NR6A1: variants seen among roughly 807,000 people sequenced by gnomAD.
NR6A1 encodes the protein nuclear receptor subfamily 6 group A member 1, also known as retinoic acid receptor-related testis-associated receptor.
Under a neutral mutation model 59.1 loss-of-function variants are expected in NR6A1, and 7 were observed. That is an observed-to-expected ratio of 0.12 (90% CI 0.07 to 0.22). The LOEUF (loss-of-function observed/expected upper bound fraction) is 0.22. Ranked by LOEUF, NR6A1 falls within the 10% of genes least tolerant of loss-of-function variation. NR6A1 has a pLI of 1.00. For missense variants in NR6A1, 468 were observed against 611.6 expected, an observed-to-expected ratio of 0.77 and a Z score of 2.48; for synonymous variants, 243 against 236.1, an observed-to-expected ratio of 1.03 and a Z score of -0.27.
At chr9:124,702,765 G>A (rs1839002387) in intron 2 of NR6A1, among the ~76,000 whole-genome samples, 1 of 152,076 alleles carries the variant, frequency 6.6e-6, no homozygotes, top group African/African-American at 2.4e-5. Flanking sequence ...GGCCTCATCA[G>A]AAGCCAACAA....
intron 1 of NR6A1, among the ~76,000 whole-genome samples, chr9:124,741,858 A>G (rs1352315067): frequency 6.6e-6 from 1 of 152,154 alleles, no homozygotes; most frequent in Non-Finnish European, 1.5e-5. Context: ...TGAGTACTCA[A>G]TGATATGATG....
At chr9:124,635,402 T>C (rs1016547071) in intron 2 of NR6A1, among the ~76,000 whole-genome samples, 2 of 152,192 alleles carry the variant, frequency 1.3e-5, no homozygotes, top group African/African-American at 2.4e-5. Flanking sequence ...GGTGAATTAG[T>C]TTCTCACGAG....
intron 1 of NR6A1, among the ~76,000 whole-genome samples, chr9:124,754,033 T>C (rs1254272707): frequency 1.3e-5 from 2 of 152,192 alleles, no homozygotes; most frequent in African/African-American, 4.8e-5. Flanking sequence ...AGTATTTCAT[T>C]TGGGCAAATT....
rs538806581 is a variant in NR6A1, at chr9:124,633,098, A to G, written c.143-78528T>C. Reference sequence around the variant, plus strand: ...ACCGAATCAAGGATGCAGTGCCCCTAAAAAGATGAATGGAAGACACTTCAG... The same window carrying G: ...ACCGAATCAAGGATGCAGTGCCCCTGAAAAGATGAATGGAAGACACTTCAG... On this transcript the variant is annotated intron_variant, in intron 2 of 9. Transcript: ENST00000487099. Among the ~76,000 whole-genome samples, 212 of 152,248 alleles carry G rather than the reference A, an allele frequency of 1.4e-3. 1 individual carries two copies. The highest frequency in any genetic ancestry group is 4.8e-3 in the African/African-American group (199 of 41,552).
chr9:124,687,634 A>C (rs569888268), intron 2 of NR6A1, among the ~76,000 whole-genome samples: 2 of 152,178 alleles, frequency 1.3e-5, no homozygotes, highest in Non-Finnish European at 2.9e-5. Context: ...CTAACACTCA[A>C]GTAAACACTC....
At chr9:124,730,696 G>A (rs529500908) in intron 2 of NR6A1, among the ~76,000 whole-genome samples, 34 of 151,846 alleles carry the variant, frequency 2.2e-4, no homozygotes, top group African/African-American at 8.2e-4. Context: ...TGTTTAATGA[G>A]CTGGTATTAC....
chr9:124,539,707 G>A (rs1833385040), intron 5 of NR6A1, among the ~76,000 whole-genome samples: 1 of 152,102 alleles, frequency 6.6e-6, no homozygotes, highest in Admixed American at 6.6e-5. Flanking sequence ...CTGTCAAAAA[G>A]GTTTATTTCA....
chr9:124,761,545 G>A (rs538176180), intron 1 of NR6A1, among the ~76,000 whole-genome samples: 4 of 152,210 alleles, frequency 2.6e-5, no homozygotes, highest in East Asian at 1.9e-4. Flanking sequence ...GATATTCTTC[G>A]ACCAGAGGAA....
At chr9:124,727,098 T>C (rs529276539) in intron 2 of NR6A1, among the ~76,000 whole-genome samples, 12 of 142,596 alleles carry the variant, frequency 8.4e-5, no homozygotes, top group East Asian at 2.0e-4. Context: ...TCTTGATTAA[T>C]AGACCTGTAT....
rs192634871 is a variant in NR6A1 at position 124,529,273 on chromosome 9, A to T, written c.1080-2373T>A. On this transcript the variant is annotated intron_variant, in intron 7 of 9. Transcript: ENST00000487099. ...CTGCGAGGCACATTAAGTATTCTAC[A>T]TTTAATCTTATTGATATTCCCAATA... is the stretch of plus-strand genomic sequence containing the variant. Among the ~76,000 whole-genome samples, 3 of 152,356 alleles carry T rather than the reference A, an allele frequency of 2.0e-5. No individual in the cohort carries two copies. The East Asian group carries it at 5.8e-4, about 29-fold the overall frequency.
intron 4 of NR6A1, 42 bp from the exon 5 acceptor site, chr9:124,540,229 C>T (rs1833404528): frequency 6.3e-7 from 1 of 1,585,922 alleles, no homozygotes; most frequent in Non-Finnish European, 8.6e-7. Flanking sequence ...GTGCTCAGGA[C>T]ACTTGCTCTT....
At chr9:124,554,706 G>A (rs986542620) in intron 2 of NR6A1, 136 bp from the exon 3 acceptor site, 3 of 1,083,198 alleles carry the variant, frequency 2.8e-6, no homozygotes, top group Non-Finnish European at 2.7e-6. Flanking sequence ...GCCCATCTTC[G>A]GATCCTTGTC....
At chr9:124,758,465 T>G (rs1326310358) in intron 1 of NR6A1, among the ~76,000 whole-genome samples, 1 of 152,176 alleles carries the variant, frequency 6.6e-6, no homozygotes, top group Admixed American at 6.5e-5. Flanking sequence ...TTACAAGGAA[T>G]GAGGAAAAAC....
intron 1 of NR6A1, among the ~76,000 whole-genome samples, chr9:124,747,187 C>CT (rs35429356): frequency 0.45 from 55,196 of 122,454 alleles, 13,222 homozygotes; most frequent in Admixed American, 0.56. Context: ...CCTTGTCTGA[C>CT]TTTTTTTTTT....
intron 2 of NR6A1, among the ~76,000 whole-genome samples, chr9:124,584,625 G>A (rs528136900): frequency 2.4e-4 from 37 of 152,208 alleles, no homozygotes; most frequent in Non-Finnish European, 4.9e-4. Flanking sequence ...GCCACGAACC[G>A]CACCGAAATA....
chr9:124,751,938 C>T (rs1475348701), intron 1 of NR6A1, among the ~76,000 whole-genome samples: 1 of 152,082 alleles, frequency 6.6e-6, no homozygotes, highest in African/African-American at 2.4e-5. Flanking sequence ...TACAAAATTC[C>T]TCCTTTTGTA....
chr9:124,561,006 G>A (rs1834070464), intron 2 of NR6A1, among the ~76,000 whole-genome samples: 1 of 152,152 alleles, frequency 6.6e-6, no homozygotes, highest in African/African-American at 2.4e-5. Flanking sequence ...TCAACTTGTG[G>A]ATAGAAAAGA....
intron 2 of NR6A1, among the ~76,000 whole-genome samples, chr9:124,663,416 G>A (rs1837507668): frequency 6.6e-6 from 1 of 152,118 alleles, no homozygotes; most frequent in African/African-American, 2.4e-5. Context: ...AGTGAACAGG[G>A]GCTGGAATCC....
intron 2 of NR6A1, chr9:124,595,797 A>T (rs921470009): frequency 2.6e-5 from 34 of 1,289,580 alleles, no homozygotes; most frequent in Non-Finnish European, 2.9e-5. Flanking sequence ...GAAAAGTTCT[A>T]TTGCAGCCAT....
Sources: gnomAD v4.1 joint callset for allele counts (sites outside exome capture counted in the v4.1 genomes callset) on GRCh38, gnomAD v4.1.1 for gene constraint, MANE v1.5 for transcripts, NCBI Gene and HGNC (gene_info 2026-07-23, HGNC 2026-07-21) for gene names.